Variants in LRRFIP2 observed in about 807,000 individuals in gnomAD.
LRRFIP2 encodes leucine-rich repeat flightless-interacting protein 2.
In LRRFIP2, 109 loss-of-function variants were observed where a neutral mutation model predicts 125.9. The ratio of observed to expected loss-of-function variants is 0.87; its 90% CI spans 0.74 to 1.01. LRRFIP2 has a LOEUF of 1.01. LRRFIP2 is among the 50% of genes least tolerant of loss of function. The pLI is 0.00. For missense variants in LRRFIP2, 850 were observed against 862.3 expected, an observed-to-expected ratio of 0.99 and a Z score of 0.18; for synonymous variants, 291 against 293.1, an observed-to-expected ratio of 0.99 and a Z score of 0.07.
rs1559641288 is a variant in LRRFIP2 at position 37,058,797 on chromosome 3, T to G, written c.1863A>C (p.Glu621Asp). ...LQNGSDLQFIEMQRDANRQIS... is the reference protein window; with the variant it reads ...LQNGSDLQFIDMQRDANRQIS... ...CTGTCCCCTGGTACCTACTCTGCATTTCGATGAACTGCAAGTCTGAGCCAT... is the reference window on the plus strand; with the variant it reads ...CTGTCCCCTGGTACCTACTCTGCATGTCGATGAACTGCAAGTCTGAGCCAT... Residue 621 changes from glutamate (E) to aspartate (D), a missense_variant, in exon 25 of 28, where the codon GAA (glutamate) becomes GAC (aspartate). Glu to Asp is a conservative substitution (Grantham distance 45, BLOSUM62 2). Transcript: ENST00000336686. 6.2e-7 allele frequency: 1 copy of G among 1,614,030 alleles called. No homozygotes were observed. The highest frequency in any genetic ancestry group is 8.5e-7 in the Non-Finnish European group (1 of 1,179,954).
intron 9 of LRRFIP2, among the ~76,000 whole-genome samples, chr3:37,110,302 GA>G (rs1466191013): frequency 2.0e-5 from 3 of 152,226 alleles, no homozygotes; most frequent in East Asian, 3.9e-4. Context: ...GTTTTTAAAG[GA>G]ATTAAATCTT....
At chr3:37,090,218 T>TTTG (rs1559790699) in intron 18 of LRRFIP2, among the ~76,000 whole-genome samples, 20 of 151,032 alleles carry the variant, frequency 1.3e-4, no homozygotes, top group South Asian at 4.2e-4. Context: ...ATTTTACTTT[T>TTTG]TTTGTTTGTT....
chr3:37,055,014 A>G, intron 26 of LRRFIP2, 72 bp downstream of exon 26: 6 of 922,226 alleles, frequency 6.5e-6, no homozygotes, highest in Non-Finnish European at 1.0e-5. Flanking sequence ...CAACCCAGGC[A>G]CTCATGGGTT....
At chr3:37,055,764 C>T (rs2086658870) in intron 25 of LRRFIP2, among the ~76,000 whole-genome samples, 1 of 152,278 alleles carries the variant, frequency 6.6e-6, no homozygotes, top group South Asian at 2.1e-4. Context: ...CCTGCCAATT[C>T]AGCAGCAGCC....
At chr3:37,175,553 G>A (rs147872149), upstream of LRRFIP2, among the ~76,000 whole-genome samples, 1,590 of 152,256 alleles carry the variant, frequency 0.01, 15 homozygotes, top group Non-Finnish European at 0.016. Context: ...AACAATCTGG[G>A]TGTCAATAAC....
intron 1 of LRRFIP2, among the ~76,000 whole-genome samples, chr3:37,161,391 C>T (rs1205350641): frequency 6.6e-6 from 1 of 151,984 alleles, no homozygotes; most frequent in Non-Finnish European, 1.5e-5. Context: ...AAAGTATTGA[C>T]TCGTGCTACA....
chr3:37,123,352 C>T (rs935619725), intron 4 of LRRFIP2, among the ~76,000 whole-genome samples: 2 of 152,184 alleles, frequency 1.3e-5, no homozygotes, highest in East Asian at 1.9e-4. Flanking sequence ...CCACCACACC[C>T]GGCTACTTTT....
chr3:37,085,335 C>T (rs2092964702), intron 18 of LRRFIP2, among the ~76,000 whole-genome samples: 1 of 151,888 alleles, frequency 6.6e-6, no homozygotes, highest in East Asian at 2.0e-4. Context: ...CATGGTAAAA[C>T]CCTAAAACCC....
At chr3:37,082,927 A>AT (rs34870454) in intron 19 of LRRFIP2, among the ~76,000 whole-genome samples, 53,345 of 151,898 alleles carry the variant, frequency 0.35, 10,541 homozygotes, top group Non-Finnish European at 0.45. Flanking sequence ...TATTTTCTGG[A>AT]TTTTTTATAT....
At position 37,102,975 on chromosome 3, in the gene LRRFIP2, C is replaced by A. The variant is rs867169352; in HGVS notation, c.822G>T (p.Arg274Ser). 6.4e-7 allele frequency: 1 copy of A among 1,566,712 alleles called. No individual in the cohort carries two copies. Among genetic ancestry groups the A allele is most frequent in the East Asian group, 2.3e-5 (1 of 42,982 alleles). Residue 274 changes from arginine to serine, a missense_variant, in exon 15 of 28, where the codon AGG (arginine) becomes AGT (serine). Coordinates refer to ENST00000336686, the MANE Select transcript of LRRFIP2 (RefSeq NM_006309.4). ...AADYFSRSNR[R>S]GSVVSEVDDI... ...CATCCACCTCAGAGACAACACTTCC[C>A]CTACGATTGGAGCGACTGAAATAAT...
chr3:37,176,310 G>A (rs2096661995), upstream of LRRFIP2: 1 of 152,268 alleles, frequency 6.6e-6, no homozygotes, highest in African/African-American at 2.4e-5. Context: ...GCCGCAGCCT[G>A]AGCGGCCGAC....
intron 2 of LRRFIP2, among the ~76,000 whole-genome samples, chr3:37,147,352 A>G (rs2095881709): frequency 6.6e-6 from 1 of 152,210 alleles, no homozygotes; most frequent in Admixed American, 6.5e-5. Context: ...CAATCCCATT[A>G]CTTGAAGGAA....
At chr3:37,088,923 C>T (rs191569314) in intron 18 of LRRFIP2, among the ~76,000 whole-genome samples, 155 of 152,142 alleles carry the variant, frequency 1.0e-3, no homozygotes, top group Non-Finnish European at 1.7e-3. Flanking sequence ...TCCTTGACCA[C>T]GCGCCCTCCA....
At position 37,169,413 on chromosome 3, in the gene LRRFIP2, G is replaced by C. The variant is rs146833104; in HGVS notation, c.-56+5126C>G. ...CTAGATACAGCATTATCTGTGACAA[G>C]GGAAAAAACATCTAATCTAAAGCTG... On this transcript the variant is annotated intron_variant, in intron 1 of 27. Coordinates refer to ENST00000336686, the MANE Select transcript of LRRFIP2 (RefSeq NM_006309.4). Among the ~76,000 whole-genome samples the C allele has an allele frequency of 3.4e-3, 517 of 152,096 alleles. 3 individuals carry two copies. The highest frequency in any genetic ancestry group is 0.027 in the Middle Eastern group (8 of 292).
Position 37,094,923 on chromosome 3 carries a change from A to G in LRRFIP2, c.919-15T>C. ...CGAGATGAAGGCTAGAAAGAGAAAT[A>G]TGACCCTTCTAAGTCTCATTTCTTT... is the stretch of plus-strand genomic sequence containing the variant. On this transcript the variant is annotated splice_polypyrimidine_tract_variant and intron_variant, in intron 16 of 27. Coordinates refer to ENST00000336686, the MANE Select transcript of LRRFIP2 (RefSeq NM_006309.4). The G allele has an allele frequency of 6.9e-7, 1 of 1,438,962 alleles. No individual in the cohort carries two copies. The highest frequency in any genetic ancestry group is 9.8e-7 in the Non-Finnish European group (1 of 1,020,310). The allele number at this position is 1,438,962 out of a possible 1,614,324, so 89.1% of individuals were successfully genotyped here. A position where few individuals can be genotyped will look rare whatever the true frequency, so the allele number is the denominator to read the frequency against.
intron 13 of LRRFIP2, among the ~76,000 whole-genome samples, chr3:37,107,573 A>G (rs1368637083): frequency 6.6e-6 from 1 of 152,200 alleles, no homozygotes; most frequent in African/African-American, 2.4e-5. Flanking sequence ...TATTTTTATA[A>G]ACTTTTAAAA....
intron 19 of LRRFIP2, among the ~76,000 whole-genome samples, chr3:37,076,998 G>GA (rs1330562322): frequency 3.3e-5 from 5 of 152,140 alleles, no homozygotes. Context: ...CATACTAAGA[G>GA]AAACGGAAAC....
intron 6 of LRRFIP2, 28 bp downstream of exon 6, chr3:37,121,464 T>C: frequency 6.2e-7 from 1 of 1,606,014 alleles, no homozygotes; most frequent in Non-Finnish European, 8.5e-7. Context: ...GTAAGCTTTG[T>C]ATTGTGTAGA....
chr3:37,122,273 T>G (rs1473285702), intron 4 of LRRFIP2, among the ~76,000 whole-genome samples: 2 of 152,048 alleles, frequency 1.3e-5, no homozygotes, highest in Non-Finnish European at 2.9e-5. Flanking sequence ...CTGCATAGTA[T>G]TCCATGGTGT....
Sources: allele counts gnomAD v4.1 joint callset (sites outside exome capture counted in the v4.1 genomes callset), GRCh38; gene constraint gnomAD v4.1.1; transcripts MANE v1.5; gene names NCBI Gene and HGNC (gene_info 2026-07-23, HGNC 2026-07-21).